TPRG1: variants seen among roughly 807,000 people sequenced by gnomAD.
TPRG1 encodes tumor protein p63-regulated gene 1 protein.
A neutral mutation model predicts 29.3 loss-of-function variants in TPRG1; 29 were observed. That is an observed-to-expected ratio of 0.99 (90% CI 0.74 to 1.35). The LOEUF (loss-of-function observed/expected upper bound fraction) is 1.35, where lower values mean the gene tolerates loss of function less well. Among genes scored for constraint, TPRG1 ranks in the 40% most tolerant of loss-of-function variants. The pLI is 0.00. For missense variants in TPRG1, 327 were observed against 335.0 expected (o/e 0.98, Z 0.19); for synonymous variants, 130 against 116.8 (o/e 1.11, Z -0.73).
At chr3:189,014,788 A>G (rs1353634575) in intron 3 of TPRG1, among the ~76,000 whole-genome samples, 1 of 152,110 alleles carries the variant, frequency 6.6e-6, no homozygotes, top group East Asian at 1.9e-4. Context: ...TTCCCTGAGG[A>G]GCCCCAGTCA....
At chr3:189,272,315 T>A (rs1715288747) in intron 4 of TPRG1, among the ~76,000 whole-genome samples, 1 of 152,188 alleles carries the variant, frequency 6.6e-6, no homozygotes, top group Admixed American at 6.5e-5. Flanking sequence ...AATTCTGGCC[T>A]TGTAATCAGC....
chr3:189,174,542 T>G (rs1455423428), intron 1 of TPRG1, among the ~76,000 whole-genome samples: 2 of 152,238 alleles, frequency 1.3e-5, no homozygotes, highest in Non-Finnish European at 2.9e-5. Flanking sequence ...TCAATCATTC[T>G]CTTTCAACGG....
rs981303504 is a variant in TPRG1 at position 189,171,982 on chromosome 3, A to G, written c.-159A>G. On this transcript the variant is annotated 5_prime_UTR_variant, in exon 1 of 6. Transcript: ENST00000345063. The stretch of plus-strand genomic sequence containing the variant: ...GTGTAACTCTCAGCCTACTTGGTGA[A>G]GTGAGATTCAGACTGAGTGGGGTCA... 6.6e-6 allele frequency: 1 copy of G among 152,256 alleles called. No individual in the cohort carries two copies. Among genetic ancestry groups the G allele is most frequent in the Non-Finnish European group, 1.5e-5 (1 of 68,096 alleles). 9.4% of individuals were successfully genotyped at this position (152,256 alleles called of 1,614,324 possible). A position where few individuals can be genotyped will look rare whatever the true frequency, so the allele number is the denominator to read the frequency against.
At chr3:189,152,798 C>G (rs1478194033) in intron 5 of TPRG1, among the ~76,000 whole-genome samples, 5 of 150,522 alleles carry the variant, frequency 3.3e-5, no homozygotes, top group African/African-American at 1.2e-4. Context: ...AGTAGGATTG[C>G]TACCTGCCAT....
intron 1 of TPRG1, among the ~76,000 whole-genome samples, chr3:189,107,840 C>G (rs974031669): frequency 1.3e-5 from 2 of 152,012 alleles, no homozygotes; most frequent in South Asian, 2.1e-4. Flanking sequence ...ATTTTTATCT[C>G]TCTATGGAAT....
At chr3:189,018,276 T>G (rs1196439153) in intron 3 of TPRG1, among the ~76,000 whole-genome samples, 25 of 147,592 alleles carry the variant, frequency 1.7e-4, no homozygotes, top group Non-Finnish European at 3.3e-4. Context: ...TGCCATTGCT[T>G]TTGGTGTTTT....
At chr3:189,089,899 CTTTT>C (rs1373472890) in intron 4 of TPRG1, among the ~76,000 whole-genome samples, 1 of 151,468 alleles carries the variant, frequency 6.6e-6, no homozygotes, top group African/African-American at 2.4e-5. Context: ...TGTTTGTCTT[CTTTT>C]TTTTATGAGA....
intron 4 of TPRG1, chr3:189,309,838 T>C (rs1279976208): frequency 6.6e-6 from 1 of 152,272 alleles, no homozygotes; most frequent in Non-Finnish European, 1.5e-5. Flanking sequence ...TTTCACTGAA[T>C]GGAATGTGTG....
intron 4 of TPRG1, among the ~76,000 whole-genome samples, chr3:189,286,343 G>A (rs1576962664): frequency 6.6e-6 from 1 of 151,804 alleles, no homozygotes; most frequent in African/African-American, 2.4e-5. Flanking sequence ...GTATATATTT[G>A]TTCACTTCCT....
chr3:189,247,032 G>C (rs933172329), intron 4 of TPRG1, among the ~76,000 whole-genome samples: 4 of 151,870 alleles, frequency 2.6e-5, no homozygotes, highest in Admixed American at 2.6e-4. Context: ...AGTTTCGGAG[G>C]TTTGGGGCTA....
chr3:189,276,540 T>G (rs1716177607), intron 4 of TPRG1, among the ~76,000 whole-genome samples: 1 of 152,152 alleles, frequency 6.6e-6, no homozygotes, highest in Non-Finnish European at 1.5e-5. Flanking sequence ...TTTCCTCCTT[T>G]TTTTCTCCTG....
At chr3:189,219,869 A>G (rs896750588) in intron 3 of TPRG1, 6 of 672,902 alleles carry the variant, frequency 8.9e-6, no homozygotes, top group Non-Finnish European at 1.1e-5. Flanking sequence ...AATATGTTTC[A>G]TTATTCCCCC....
At chr3:189,176,291 A>C (rs1342075080) in intron 1 of TPRG1, among the ~76,000 whole-genome samples, 1 of 152,220 alleles carries the variant, frequency 6.6e-6, no homozygotes, top group Non-Finnish European at 1.5e-5. Context: ...GAGGTGTTTG[A>C]ACAAGATTCA....
At position 189,011,704 on chromosome 3, in the gene TPRG1, T is replaced by C. The variant is rs146901835; in HGVS notation, c.-660+6944T>C. The stretch of plus-strand genomic sequence containing the variant: ...TCCATCCCACAACATGTGGGAATTA[T>C]GGGAGCTATGAGATGAGATTTGGGT... On this transcript the variant is annotated intron_variant, in intron 3 of 10. Coordinates refer to the TPRG1 transcript ENST00000433971. Among the ~76,000 whole-genome samples the C allele has an allele frequency of 8.2e-3, 1,254 of 152,266 alleles. 15 individuals are homozygous for C. Among genetic ancestry groups the C allele is most frequent in the African/African-American group, 0.028 (1,181 of 41,554 alleles).
At chr3:189,105,916 G>C (rs917954139) in intron 1 of TPRG1, among the ~76,000 whole-genome samples, 5 of 152,082 alleles carry the variant, frequency 3.3e-5, no homozygotes, top group African/African-American at 1.2e-4. Context: ...GGGAGGGAAA[G>C]TATCAGGAAA....
chr3:189,184,611 G>C (rs980622643), intron 1 of TPRG1, among the ~76,000 whole-genome samples: 1 of 152,128 alleles, frequency 6.6e-6, no homozygotes. Context: ...TAATTATTAA[G>C]ATCAATCTCT....
upstream of TPRG1, among the ~76,000 whole-genome samples, chr3:189,167,241 G>A (rs1728275123): frequency 6.6e-6 from 1 of 152,196 alleles, no homozygotes; most frequent in Non-Finnish European, 1.5e-5. Flanking sequence ...GGAATGGTGA[G>A]CCACACCCCA....
intron 3 of TPRG1, among the ~76,000 whole-genome samples, chr3:189,233,533 G>A (rs1367308172): frequency 6.6e-6 from 1 of 152,120 alleles, no homozygotes; most frequent in African/African-American, 2.4e-5. Context: ...CCTCAATTGG[G>A]GAAGTGATAA....
At chr3:189,103,027 G>T (rs6801367) in intron 1 of TPRG1, among the ~76,000 whole-genome samples, 1 of 151,944 alleles carries the variant, frequency 6.6e-6, no homozygotes, top group Non-Finnish European at 1.5e-5. Context: ...TTATTTTGGT[G>T]CTTCGTCTGT....
Sources: gnomAD v4.1 joint callset for allele counts (sites outside exome capture counted in the v4.1 genomes callset) on GRCh38, gnomAD v4.1.1 for gene constraint, MANE v1.5 for transcripts, NCBI Gene and HGNC (gene_info 2026-07-23, HGNC 2026-07-21) for gene names.